HDAC5: variants seen among roughly 807,000 people sequenced by gnomAD.
HDAC5 encodes antigen NY-CO-9.
HDAC5 carries 25 observed loss-of-function variants against 133.3 expected under a neutral mutation model. That is an observed-to-expected ratio of 0.19 (90% CI 0.14 to 0.26). The LOEUF is 0.26. HDAC5 is among the 10% of genes least tolerant of loss of function. The pLI, the probability that HDAC5 is intolerant of heterozygous loss-of-function variation, is 1.00. For missense variants in HDAC5, 1,041 were observed against 1,460.5 expected, an observed-to-expected ratio of 0.71 and a Z score of 4.68; for synonymous variants, 589 against 610.8, an observed-to-expected ratio of 0.96 and a Z score of 0.53.
rs139098243 is a variant in HDAC5, at chr17:44,080,424, G to A, written c.2802C>T (p.Asp934=). ...WTGGVDPPIG[D]VEYLTAFRTV... Reference sequence around the variant, plus strand: ...ACCTGAAGGCTGTAAGGTACTCCACGTCTCCAATGGGGGGGTCCACACCTC... The same window carrying A: ...ACCTGAAGGCTGTAAGGTACTCCACATCTCCAATGGGGGGGTCCACACCTC... Residue 934 remains aspartate, a synonymous_variant, in exon 22 of 27, where the codon GAC becomes GAT. Transcript: ENST00000682912. 1.9e-4 allele frequency: 312 copies of A among 1,614,052 alleles called. 1 individual carries two copies. In the Middle Eastern group the frequency reaches 3.3e-3, roughly 17 times the overall value.
chr17:44,113,470 A>C (rs1475194551), intron 2 of HDAC5, among the ~76,000 whole-genome samples: 1 of 152,132 alleles, frequency 6.6e-6, no homozygotes, highest in Non-Finnish European at 1.5e-5. Context: ...GATGGGGACA[A>C]ATGTCTTTTT....
intron 1 of HDAC5, 97 bp downstream of exon 1, chr17:44,123,407 C>G (rs1598060277): frequency 8.6e-6 from 3 of 348,268 alleles, no homozygotes; most frequent in East Asian, 8.7e-5. Context: ...GGCGCGCGCG[C>G]TGGGAGCCCG....
At chr17:44,095,546 G>A (rs765746805) in intron 3 of HDAC5, among the ~76,000 whole-genome samples, 6 of 152,120 alleles carry the variant, frequency 3.9e-5, no homozygotes, top group African/African-American at 7.2e-5. Flanking sequence ...AGGAGGCCTC[G>A]GGGAAAGGGG....
At chr17:44,111,845 G>A (rs2052366218) in intron 2 of HDAC5, among the ~76,000 whole-genome samples, 1 of 152,186 alleles carries the variant, frequency 6.6e-6, no homozygotes, top group African/African-American at 2.4e-5. Flanking sequence ...CTCCTGGGCA[G>A]ACAGGTGTCC....
At chr17:44,120,784 G>A (rs995875833) in intron 1 of HDAC5, among the ~76,000 whole-genome samples, 1 of 151,250 alleles carries the variant, frequency 6.6e-6, no homozygotes, top group South Asian at 2.1e-4. Flanking sequence ...CCCACCCAAA[G>A]GTCAAAGGCA....
chr17:44,093,083 G>A lies in HDAC5; in HGVS notation c.641+9C>T, dbSNP rs781090277. ...CCTATGCCCACCCATGCCTGCCCAG[G>A]GCCATTACCAGCATTTGGGGTGCTG... On this transcript the variant is annotated intron_variant, in intron 6 of 26. Coordinates refer to ENST00000682912, the MANE Select transcript of HDAC5 (RefSeq NM_005474.5). 4.4e-6 allele frequency: 7 copies of A among 1,598,070 alleles called. No homozygotes were observed. The highest frequency in any genetic ancestry group is 6.0e-6 in the Non-Finnish European group (7 of 1,169,646).
At chr17:44,088,723 C>T in intron 11 of HDAC5, 125 bp from the exon 12 acceptor site, 2 of 1,377,792 alleles carry the variant, frequency 1.5e-6, no homozygotes, top group Non-Finnish European at 1.9e-6. Context: ...AGGAAAAACC[C>T]TGGGGGACCT....
intron 1 of HDAC5, among the ~76,000 whole-genome samples, chr17:44,118,786 C>T (rs539883191): frequency 2.6e-5 from 4 of 152,250 alleles, no homozygotes; most frequent in East Asian, 1.9e-4. Flanking sequence ...TGAGCTGCTG[C>T]GAGTTTAAGC....
rs1200535591 is a variant in HDAC5 at position 44,087,607 on chromosome 17, C to T, written c.1689G>A (p.Leu563=). The T allele has an allele frequency of 1.2e-6, 2 of 1,614,044 alleles. No individual in the cohort carries two copies. The highest frequency in any genetic ancestry group is 1.7e-5 in the Admixed American group (1 of 60,010). The stretch of plus-strand genomic sequence containing the variant: ...GCATGGTCAGGGCTCCCTCCCCCAG[C>T]AAGACCTCCTGCTGCTCCGTCAGCT... ...EEELTEQQEV[L]LGEGALTMPR... Residue 563 remains leucine (L), a synonymous_variant, in exon 13 of 27, where the codon TTG becomes TTA. Coordinates refer to ENST00000682912, the MANE Select transcript of HDAC5 (RefSeq NM_005474.5).
At chr17:44,082,480 C>T (rs1221487700) in intron 20 of HDAC5, 105 bp downstream of exon 20, 19 of 876,308 alleles carry the variant, frequency 2.2e-5, no homozygotes, top group Middle Eastern at 2.9e-4. Context: ...AGGATGAGGA[C>T]GACTGGGGTG....
At chr17:44,122,450 C>T (rs543415965) in intron 1 of HDAC5, among the ~76,000 whole-genome samples, 1 of 152,258 alleles carries the variant, frequency 6.6e-6, no homozygotes, top group African/African-American at 2.4e-5. Context: ...TCCCCAAGCT[C>T]CAAATCTAAT....
rs1299033075 is a variant in HDAC5, at chr17:44,093,746, C to T, written c.183G>A (p.Gly61=). 6.2e-7 allele frequency: 1 copy of T among 1,602,974 alleles called. No individual in the cohort carries two copies. The highest frequency in any genetic ancestry group is 8.5e-7 in the Non-Finnish European group (1 of 1,174,664). ...GGSPSPVELR[G]ALVGSVDPTL... is the part of the protein sequence containing the mutation. ...TGGGGTCCACAGAGCCCACCAGAGC[C>T]CCCCGTAGCTCCACAGGGCTGGGGC... is the stretch of plus-strand genomic sequence containing the variant. Residue 61 remains glycine, a synonymous_variant, in exon 4 of 27, where the codon GGG becomes GGA. Transcript: ENST00000682912.
intron 18 of HDAC5, among the ~76,000 whole-genome samples, chr17:44,083,331 C>T (rs1411240279): frequency 6.6e-6 from 1 of 152,196 alleles, no homozygotes. Context: ...ATTTCTGCCT[C>T]GAGACACCCA....
At chr17:44,095,853 G>A (rs866386833) in intron 3 of HDAC5, among the ~76,000 whole-genome samples, 7 of 152,110 alleles carry the variant, frequency 4.6e-5, no homozygotes, top group Admixed American at 3.3e-4. Flanking sequence ...CTGGTCTTAC[G>A]GAGAACCGGC....
At chr17:44,102,608 C>T (rs1380270686) in intron 3 of HDAC5, among the ~76,000 whole-genome samples, 6 of 152,092 alleles carry the variant, frequency 3.9e-5, no homozygotes, top group Admixed American at 3.3e-4. Context: ...ATCCGCCTGC[C>T]TCGGCCTCCC....
chr17:44,095,428 G>A (rs2051206681), intron 3 of HDAC5, among the ~76,000 whole-genome samples: 1 of 152,134 alleles, frequency 6.6e-6, no homozygotes, highest in Non-Finnish European at 1.5e-5. Flanking sequence ...GAGGCTGGTG[G>A]AGACCTTCTG....
intron 1 of HDAC5, among the ~76,000 whole-genome samples, chr17:44,121,720 C>T (rs1172036493): frequency 6.6e-6 from 1 of 152,048 alleles, no homozygotes; most frequent in Non-Finnish European, 1.5e-5. Context: ...ACCTTTGTCT[C>T]TGCAGCTACT....
In HDAC5 at chr17:44,085,058, G is replaced by A. The variant is rs751248934; in HGVS notation, c.2148C>T (p.Ser716=). The A allele has an allele frequency of 1.3e-6, 2 of 1,597,304 alleles. No homozygotes were observed. The highest frequency in any genetic ancestry group is 2.2e-5 in the South Asian group (2 of 90,704). ...TAAGCAGGCCTGTCTCCTGCAGCCG[G>A]GACCAGATGCTCTGGATCCGGCCAG... ...EHAGRIQSIW[S]RLQETGLLSK... The change falls in exon 15 of 27, where the codon TCC becomes TCT. Residue 716 remains serine (S), a synonymous_variant. Transcript: ENST00000682912.
rs757413637 is a variant in HDAC5, at chr17:44,093,712, C to T, written c.217G>A (p.Glu73Lys). ...LVGSVDPTLR[E>K]QQLQQELLAL... ...AGGAGCTCCTGCTGCAGTTGCTGCT[C>T]CCGCAGTGTGGGGTCCACAGAGCCC... The change falls in exon 4 of 27, where the codon GAG becomes AAG. Residue 73 changes from glutamate (E) to lysine (K), a missense_variant. By Grantham distance (56) the Glu-to-Lys change is moderately conservative. Transcript: ENST00000682912. 1.2e-6 allele frequency: 2 copies of T among 1,605,574 alleles called. No homozygotes were observed. The highest frequency in any genetic ancestry group is 1.7e-6 in the Non-Finnish European group (2 of 1,176,364).
Sources: allele counts gnomAD v4.1 joint callset (sites outside exome capture counted in the v4.1 genomes callset), GRCh38; gene constraint gnomAD v4.1.1; transcripts MANE v1.5; gene names NCBI Gene and HGNC (gene_info 2026-07-23, HGNC 2026-07-21).